Variants in TRPM7 observed in about 807,000 individuals in gnomAD.
TRPM7 encodes transient receptor potential cation channel subfamily M member 7.
A neutral mutation model predicts 229.7 loss-of-function variants in TRPM7; 134 were observed. That is an observed-to-expected ratio of 0.58 (90% CI 0.51 to 0.67). TRPM7 has a LOEUF of 0.67. Ranked by LOEUF, TRPM7 falls within the 30% of genes least tolerant of loss-of-function variation. The pLI is 0.00. For missense variants in TRPM7, 1,901 were observed against 2,210.0 expected, an observed-to-expected ratio of 0.86 and a Z score of 2.80; for synonymous variants, 699 against 715.2, an observed-to-expected ratio of 0.98 and a Z score of 0.36.
intron 8 of TRPM7, 36 bp downstream of exon 8, chr15:50,634,346 T>C: frequency 7.3e-7 from 1 of 1,369,364 alleles, no homozygotes; most frequent in Non-Finnish European, 9.6e-7. Context: ...AATAAATAAA[T>C]AAATAAAATT....
At chr15:50,650,656 C>T (rs991060118) in intron 3 of TRPM7, among the ~76,000 whole-genome samples, 2 of 151,986 alleles carry the variant, frequency 1.3e-5, no homozygotes, top group Non-Finnish European at 2.9e-5. Context: ...GATCGTGCCA[C>T]TGCACTCCAG....
chr15:50,630,269 A>G (rs2060693090), intron 10 of TRPM7, among the ~76,000 whole-genome samples: 1 of 72,094 alleles, frequency 1.4e-5, no homozygotes. Context: ...GATGATATAA[A>G]TATATTTTAT....
chr15:50,667,993 T>C (rs1473357352), intron 1 of TRPM7, among the ~76,000 whole-genome samples: 3 of 152,226 alleles, frequency 2.0e-5, no homozygotes, highest in Non-Finnish European at 4.4e-5. Context: ...GCAGTAATTA[T>C]GATTATTATG....
At chr15:50,653,551 T>C (rs1596312043) in intron 3 of TRPM7, among the ~76,000 whole-genome samples, 1 of 152,264 alleles carries the variant, frequency 6.6e-6, no homozygotes, top group Admixed American at 6.5e-5. Context: ...CACGAAGCTG[T>C]GATCCTTGAA....
At chr15:50,624,095 C>A in intron 12 of TRPM7, 71 bp downstream of exon 12, 2 of 1,449,054 alleles carry the variant, frequency 1.4e-6, no homozygotes, top group South Asian at 1.4e-5. Flanking sequence ...ATAGGAATGG[C>A]TATATTCAGG....
At chr15:50,616,550 G>C (rs2060226691) in intron 13 of TRPM7, among the ~76,000 whole-genome samples, 1 of 152,164 alleles carries the variant, frequency 6.6e-6, no homozygotes, top group Admixed American at 6.6e-5. Flanking sequence ...GAAGTGGGGA[G>C]TACAGAAGGA....
chr15:50,557,336 A>C lies in TRPM7; in HGVS notation c.*4342T>G, dbSNP rs1219867448. ...CCCATCACAAACCAGGCAGCAAGCAAGGTATTGGGTGCTACTCAATCCAGT... is the reference window on the plus strand; with the variant it reads ...CCCATCACAAACCAGGCAGCAAGCACGGTATTGGGTGCTACTCAATCCAGT... On this transcript the variant is annotated 3_prime_UTR_variant, in exon 39 of 39. Coordinates refer to ENST00000646667, the MANE Select transcript of TRPM7 (RefSeq NM_017672.6). 1 of 151,614 alleles carries C rather than the reference A, an allele frequency of 6.6e-6. No individual in the cohort carries two copies. Among genetic ancestry groups the C allele is most frequent in the Non-Finnish European group, 1.5e-5 (1 of 67,714 alleles). 9.4% of individuals were successfully genotyped at this position (151,614 alleles called of 1,614,324 possible). A position where few individuals can be genotyped will look rare whatever the true frequency, so the allele number is the denominator to read the frequency against.
rs763517244 is a variant in TRPM7, at chr15:50,611,231, C to T, written c.2142G>A (p.Lys714=). 12 of 1,613,970 alleles carry T rather than the reference C, an allele frequency of 7.4e-6. No individual in the cohort carries two copies. Among genetic ancestry groups the T allele is most frequent in the East Asian group, 4.5e-5 (2 of 44,830 alleles). Residue 714 remains lysine (K), a synonymous_variant, in exon 17 of 39, where the codon AAG becomes AAA. Transcript: ENST00000646667. ...MAMKLLTYEL[K]NWSNSTCLKL... The stretch of plus-strand genomic sequence containing the variant: ...TAAGGCAGGTTGAATTACTCCAGTT[C>T]TTCAGTTCATAAGTGAGCAATTTCA...
chr15:50,649,511 A>C (rs925471635), intron 3 of TRPM7, among the ~76,000 whole-genome samples: 16 of 152,266 alleles, frequency 1.1e-4, no homozygotes, highest in Middle Eastern at 3.4e-3. Context: ...ACCACTAATA[A>C]TACTACAGAA....
chr15:50,649,373 G>A (rs2061354298), intron 3 of TRPM7, among the ~76,000 whole-genome samples: 1 of 151,408 alleles, frequency 6.6e-6, no homozygotes, highest in African/African-American at 2.4e-5. Flanking sequence ...CGTCAGGGCT[G>A]CAGTTAGCCT....
chr15:50,638,964 GC>G (rs1210958917), intron 6 of TRPM7, among the ~76,000 whole-genome samples: 2 of 152,206 alleles, frequency 1.3e-5, no homozygotes, highest in African/African-American at 4.8e-5. Flanking sequence ...ACAGGTGTGA[GC>G]CACTGCGCCC....
At chr15:50,599,342 T>C in intron 21 of TRPM7, 46 bp from the exon 22 acceptor site, 1 of 1,395,200 alleles carries the variant, frequency 7.2e-7, no homozygotes. Flanking sequence ...GTTTAAACAC[T>C]ATGACAAATC....
At position 50,632,963 on chromosome 15, in the gene TRPM7, A is replaced by G; in HGVS notation, c.1037T>C (p.Ile346Thr). The G allele has an allele frequency of 2.5e-6, 4 of 1,602,082 alleles. No individual in the cohort carries two copies. The East Asian group carries it at 6.8e-5, about 27-fold the overall frequency. ...GNLPDAAEPD[I>T]ISTIKKTFNF... ...AAATGTTTTTTTGATAGTGGAAATA[A>G]TATCGGGCTCTGCTGCATCAGGAAG... Residue 346 changes from isoleucine to threonine, a missense_variant, in exon 9 of 39, where the codon ATT (isoleucine) becomes ACT (threonine). Transcript: ENST00000646667.
chr15:50,576,281 C>T (rs2054132097), intron 31 of TRPM7, among the ~76,000 whole-genome samples: 1 of 152,130 alleles, frequency 6.6e-6, no homozygotes, highest in South Asian at 2.1e-4. Flanking sequence ...GCAGGTCTAC[C>T]ATGAGAAGAT....
rs1445427698 is a variant in TRPM7 at position 50,589,651 on chromosome 15, T to C, written c.4330A>G (p.Arg1444Gly). 1.3e-6 allele frequency: 2 copies of C among 1,587,936 alleles called. No homozygotes were observed. Among genetic ancestry groups the C allele is most frequent in the Non-Finnish European group, 1.7e-6 (2 of 1,165,962 alleles). ...NTEFGAFVGH[R>G]DSMDLQRFKE... is the part of the protein sequence containing the mutation. ...AACCTCTGTAAATCCATGCTATCTC[T>C]GTGTCCTTTAATAGAAAAAAAGATG... The change falls in exon 27 of 39, where the codon AGA becomes GGA. Residue 1444 changes from arginine (R) to glycine (G), a missense_variant. Around this residue, in one of 8 missense-constraint regions of TRPM7, gnomAD observed 533 missense variants for 497.1 expected, o/e 1.07. Coordinates refer to ENST00000646667, the MANE Select transcript of TRPM7 (RefSeq NM_017672.6).
chr15:50,679,521 T>TATTATATATATGTGTATATATATATA (rs2062188826), intron 1 of TRPM7, among the ~76,000 whole-genome samples: 1 of 22,224 alleles, frequency 4.5e-5, no homozygotes, highest in Non-Finnish European at 9.5e-5. Flanking sequence ...AATATATATA[T>TATTATATATATGTGTATATATATATA]ATATATATAT....
chr15:50,574,166 A>T, intron 36 of TRPM7, 108 bp downstream of exon 36: 1 of 873,940 alleles, frequency 1.1e-6, no homozygotes, highest in Admixed American at 2.4e-5. Flanking sequence ...TATAGCTTCT[A>T]TTGGCCTAAG....
intron 30 of TRPM7, among the ~76,000 whole-genome samples, chr15:50,579,713 G>A (rs2054310735): frequency 1.3e-5 from 2 of 152,194 alleles, no homozygotes; most frequent in African/African-American, 2.4e-5. Context: ...CCAGGGTCAG[G>A]AAACTCAATT....
intron 36 of TRPM7, 51 bp downstream of exon 36, chr15:50,574,223 G>A: frequency 7.3e-7 from 1 of 1,368,972 alleles, no homozygotes; most frequent in East Asian, 2.3e-5. Context: ...CATATGAATA[G>A]GTGAGAACCT....
Sources: gnomAD v4.1 joint callset for allele counts (sites outside exome capture counted in the v4.1 genomes callset) on GRCh38, gnomAD v4.1.1 for gene constraint, gnomAD v4.1.1 regional missense constraint, MANE v1.5 for transcripts, NCBI Gene and HGNC (gene_info 2026-07-23, HGNC 2026-07-21) for gene names.